PRKAR1B: variants seen among roughly 807,000 people sequenced by gnomAD.
PRKAR1B encodes the protein protein kinase cAMP-dependent type I regulatory subunit beta, also known as cAMP-dependent protein kinase type I-beta regulatory subunit.
PRKAR1B carries 22 observed loss-of-function variants against 46.5 expected under a neutral mutation model. The observed-to-expected ratio is 0.47, with a 90% CI of 0.34 to 0.68. The LOEUF is 0.68. Ranked by LOEUF, PRKAR1B falls within the 30% of genes least tolerant of loss-of-function variation. The probability of loss-of-function intolerance (pLI) is 0.01; values close to 1 mark genes in which losing one functional copy is unlikely to be tolerated. For missense variants in PRKAR1B, 445 were observed against 535.6 expected, an observed-to-expected ratio of 0.83 and a Z score of 1.67; for synonymous variants, 259 against 217.7, an observed-to-expected ratio of 1.19 and a Z score of -1.67.
rs373573097 is a variant in PRKAR1B, at chr7:550,419, G to A, written c.*11C>T. On this transcript the variant is annotated 3_prime_UTR_variant, in exon 11 of 11. Coordinates refer to ENST00000537384, the MANE Select transcript of PRKAR1B (RefSeq NM_001164760.2). The stretch of plus-strand genomic sequence containing the variant: ...CACTGGGGAGCTGGGGCTGCAGGGC[G>A]GGAGCTGTGCTCAGACGGTGAGGGA... 4.6e-5 allele frequency: 73 copies of A among 1,580,584 alleles called. No homozygotes were observed. Among genetic ancestry groups the A allele is most frequent in the East Asian group, 3.7e-4 (16 of 42,876 alleles).
At chr7:706,106 G>A (rs746576606) in intron 2 of PRKAR1B, among the ~76,000 whole-genome samples, 4 of 152,076 alleles carry the variant, frequency 2.6e-5, no homozygotes, top group East Asian at 1.9e-4. Context: ...GGGGAGGACC[G>A]CTTGAGCTCA....
At chr7:717,042 G>A (rs1020983804) in intron 1 of PRKAR1B, among the ~76,000 whole-genome samples, 1 of 152,200 alleles carries the variant, frequency 6.6e-6, no homozygotes, top group Non-Finnish European at 1.5e-5. Context: ...TGTAATCCCA[G>A]CACTTTGGGA....
chr7:657,433 G>A lies in PRKAR1B; in HGVS notation c.440+19796C>T, dbSNP rs529391587. ...GATGGATGGATGAATGAATGAATGG[G>A]TGAATGATTCATGCTGACCTCTTCT... On this transcript the variant is annotated intron_variant, in intron 4 of 10. Transcript: ENST00000537384. Among the ~76,000 whole-genome samples, 10 of 148,780 alleles carry A rather than the reference G, an allele frequency of 6.7e-5. No individual in the cohort carries two copies. In the South Asian group the frequency reaches 2.1e-3, roughly 31 times the overall value.
intron 4 of PRKAR1B, among the ~76,000 whole-genome samples, chr7:665,794 A>T (rs34226467): frequency 0.017 from 2,545 of 152,340 alleles, 56 homozygotes; most frequent in African/African-American, 0.047. Flanking sequence ...GCTGCCCGTG[A>T]ATTCGGCAGA....
At chr7:571,596 C>T (rs1009155316) in intron 9 of PRKAR1B, among the ~76,000 whole-genome samples, 1 of 152,210 alleles carries the variant, frequency 6.6e-6, no homozygotes, top group Non-Finnish European at 1.5e-5. Context: ...CCTCCCAGGC[C>T]GCTGCCGCCC....
chr7:711,749 G>C (rs1780643887), intron 1 of PRKAR1B, among the ~76,000 whole-genome samples: 1 of 152,154 alleles, frequency 6.6e-6, no homozygotes, highest in African/African-American at 2.4e-5. Context: ...GGTGGAGGGG[G>C]CTCAGGCAGG....
chr7:596,415 CG>C (rs1325508572), intron 6 of PRKAR1B, 111 bp from the exon 7 acceptor site: 1 of 1,342,190 alleles, frequency 7.5e-7, no homozygotes, highest in Non-Finnish European at 1.0e-6. Context: ...CCCCGCAGGG[CG>C]GGGCACAAGC....
At chr7:595,326 G>T (rs1373920160) in intron 7 of PRKAR1B, among the ~76,000 whole-genome samples, 2 of 151,760 alleles carry the variant, frequency 1.3e-5, no homozygotes, top group African/African-American at 2.4e-5. Context: ...CGGAACAGCA[G>T]TCCCCCCCGC....
At chr7:668,307 C>G (rs1786046283) in intron 4 of PRKAR1B, among the ~76,000 whole-genome samples, 1 of 152,194 alleles carries the variant, frequency 6.6e-6, no homozygotes, top group South Asian at 2.1e-4. Context: ...AGCTCAGCTT[C>G]TAGTAAACTG....
At chr7:726,458 C>A in intron 1 of PRKAR1B, 1 of 344,884 alleles carries the variant, frequency 2.9e-6, no homozygotes, top group African/African-American at 2.1e-5. Flanking sequence ...CCGGGACCCG[C>A]ATCCCGGGCG....
intron 7 of PRKAR1B, 113 bp from the exon 8 acceptor site, chr7:584,681 G>T (rs1780499820): frequency 1.1e-6 from 1 of 905,154 alleles, no homozygotes; most frequent in Non-Finnish European, 1.7e-6. Flanking sequence ...GACCCTCCAA[G>T]CATTCCAAGT....
At position 600,247 on chromosome 7, in the gene PRKAR1B, G is replaced by A. The variant is rs28693934; in HGVS notation, c.550-3943C>T. Among the ~76,000 whole-genome samples the A allele has an allele frequency of 1.1e-3, 174 of 152,354 alleles. 3 individuals carry two copies. Among genetic ancestry groups the A allele is most frequent in the South Asian group, 7.5e-3 (36 of 4,828 alleles). On this transcript the variant is annotated intron_variant, in intron 6 of 10. Coordinates refer to ENST00000537384, the MANE Select transcript of PRKAR1B (RefSeq NM_001164760.2). ...GGGCCGAGGGCAGTGGCTCATACCT[G>A]TCATCACAGCACTTTGGGAAGCCCA...
chr7:615,985 GGA>G (rs1047064977), intron 4 of PRKAR1B, among the ~76,000 whole-genome samples: 3 of 142,264 alleles, frequency 2.1e-5, no homozygotes, highest in African/African-American at 8.1e-5. Context: ...AGAGAAAGAG[GGA>G]GAGAGAAAGA....
chr7:622,717 T>C (rs1466103811), intron 4 of PRKAR1B, among the ~76,000 whole-genome samples: 1 of 152,176 alleles, frequency 6.6e-6, no homozygotes, highest in Non-Finnish European at 1.5e-5. Flanking sequence ...ATATGTGTAT[T>C]GACAAGGAGC....
intron 2 of PRKAR1B, among the ~76,000 whole-genome samples, chr7:686,707 A>G (rs901091926): frequency 6.6e-6 from 1 of 152,116 alleles, no homozygotes; most frequent in Non-Finnish European, 1.5e-5. Flanking sequence ...TATTTTTGAA[A>G]GCATCAGAGA....
chr7:705,792 C>T (rs1780291723), intron 2 of PRKAR1B, among the ~76,000 whole-genome samples: 1 of 152,034 alleles, frequency 6.6e-6, no homozygotes, highest in Non-Finnish European at 1.5e-5. Flanking sequence ...ACTGGGAGGC[C>T]GAGGCAGGTG....
At chr7:594,740 G>A (rs1317524530) in intron 7 of PRKAR1B, among the ~76,000 whole-genome samples, 1 of 151,816 alleles carries the variant, frequency 6.6e-6, no homozygotes, top group South Asian at 2.1e-4. Context: ...AAACCATAAG[G>A]GGACCCCTAG....
intron 4 of PRKAR1B, among the ~76,000 whole-genome samples, chr7:663,660 G>A (rs1299082300): frequency 6.6e-6 from 1 of 152,214 alleles, no homozygotes; most frequent in East Asian, 1.9e-4. Flanking sequence ...GGTGCATGTG[G>A]TGGTCTGGGC....
intron 9 of PRKAR1B, among the ~76,000 whole-genome samples, chr7:563,012 C>A (rs553599132): frequency 9.8e-5 from 15 of 152,348 alleles, no homozygotes; most frequent in Admixed American, 9.1e-4. Flanking sequence ...ACCTAACGGG[C>A]GCTGATGAAA....
Sources: allele counts gnomAD v4.1 joint callset (sites outside exome capture counted in the v4.1 genomes callset), GRCh38; gene constraint gnomAD v4.1.1; transcripts MANE v1.5; gene names NCBI Gene and HGNC (gene_info 2026-07-23, HGNC 2026-07-21).